Variants in ZFHX2 observed in about 807,000 individuals in gnomAD.
ZFHX2 encodes the protein zinc finger homeobox 2.
A neutral mutation model predicts 164.8 loss-of-function variants in ZFHX2; 75 were observed. That is an observed-to-expected ratio of 0.46 (90% CI 0.38 to 0.55). ZFHX2 has a LOEUF of 0.55. ZFHX2 is among the 20% of genes least tolerant of loss of function. The probability of loss-of-function intolerance (pLI) is 0.00; values close to 1 mark genes in which losing one functional copy is unlikely to be tolerated. For missense variants in ZFHX2, 2,933 were observed against 3,308.0 expected, an observed-to-expected ratio of 0.89 and a Z score of 2.78; for synonymous variants, 1,217 against 1,351.4, an observed-to-expected ratio of 0.90 and a Z score of 2.18.
chr14:23,540,148 G>A (rs1302980830), intron 1 of ZFHX2, among the ~76,000 whole-genome samples: 4 of 152,194 alleles, frequency 2.6e-5, no homozygotes, highest in Admixed American at 6.5e-5. Flanking sequence ...GTGCCACCAC[G>A]CCCAGCTAAT....
At chr14:23,527,550 C>A in intron 7 of ZFHX2, 54 bp downstream of exon 7, 1 of 1,531,008 alleles carries the variant, frequency 6.5e-7, no homozygotes, top group Non-Finnish European at 8.8e-7. Context: ...TCCTCCCCTC[C>A]TGCACAGCCC....
chr14:23,527,975 C>T (rs1475356640), intron 6 of ZFHX2, among the ~76,000 whole-genome samples, 171 bp from the exon 7 acceptor site: 2 of 147,060 alleles, frequency 1.4e-5, no homozygotes, highest in South Asian at 2.1e-4. Flanking sequence ...GACGTGATCT[C>T]GGCTCACTGC....
rs1879892937 is a variant in ZFHX2 at position 23,534,112 on chromosome 14, G to T, written c.1214C>A (p.Pro405Gln). ...TSKEGGTLPA[P>Q]VGSPEDPSDP... ...ACTGGGGTCTTCGGGGGAGCCCACT[G>T]GGGCAGGGAGAGTGCCCCCCTCCTT... Residue 405 changes from proline to glutamine, a missense_variant, in exon 2 of 10, where the codon CCA becomes CAA. Transcript: ENST00000419474. This position sits in a 1 kb window ranked among gnomAD's most constrained non-coding sequence, Gnocchi z 4.5. The T allele has an allele frequency of 3.4e-6, 5 of 1,486,794 alleles. No homozygotes were observed. Among genetic ancestry groups the T allele is most frequent in the Non-Finnish European group, 4.5e-6 (5 of 1,121,506 alleles). 92.1% of individuals were successfully genotyped at this position (1,486,794 alleles called of 1,614,324 possible). A position where few individuals can be genotyped will look rare whatever the true frequency, so the allele number is the denominator to read the frequency against.
rs190106603 is a variant in ZFHX2, at chr14:23,538,684, C to A, written c.-49-3310G>T. 4.9e-4 allele frequency among the ~76,000 whole-genome samples: 74 copies of A among 152,216 alleles called. 1 individual carries two copies. Among genetic ancestry groups the A allele is most frequent in the Non-Finnish European group, 5.3e-4 (36 of 68,014 alleles). ...ATGTGGGTAAAGAGACAAGGCGACC[C>A]CTGAAAGGCCCTGACATTGCTTCCT... On this transcript the variant is annotated intron_variant, in intron 1 of 9. Transcript: ENST00000419474.
In ZFHX2 at chr14:23,526,003, G is replaced by A; in HGVS notation, c.3939C>T (p.Thr1313=). ...AAGGCAATCCAGATATGAAGCCACT[G>A]GTGTCAGGGCCCTTCTTCTCAGTGC... ...EVGTEKKGPD[T]SGFISGLPFL... Residue 1313 remains threonine (T), a synonymous_variant, in exon 9 of 10, where the codon ACC becomes ACT. Transcript: ENST00000419474. 1 of 1,531,820 alleles carries A rather than the reference G, an allele frequency of 6.5e-7. No individual in the cohort carries two copies. The highest frequency in any genetic ancestry group is 1.2e-5 in the South Asian group (1 of 83,324). The allele number at this position is 1,531,820 out of a possible 1,614,324, so 94.9% of individuals were successfully genotyped here. A position where few individuals can be genotyped will look rare whatever the true frequency, so the allele number is the denominator to read the frequency against.
Position 23,525,058 on chromosome 14 carries a change from G to T in ZFHX2, c.4884C>A (p.Leu1628=), listed in dbSNP as rs1328383566. The T allele has an allele frequency of 3.3e-6, 5 of 1,536,024 alleles. No homozygotes were observed. The highest frequency in any genetic ancestry group is 2.0e-5 in the Admixed American group (1 of 50,986). The change falls in exon 9 of 10, where the codon CTC becomes CTA. Residue 1628 remains leucine, a synonymous_variant. Transcript: ENST00000419474. This position sits in a 1 kb window ranked among gnomAD's most constrained non-coding sequence, Gnocchi z 5.9. ...GGCTAGCCAGACCCAACAGACTTGC[G>T]AGTCGCTCCACCTCTCCGTCTTTGG... is the stretch of plus-strand genomic sequence containing the variant. ...AYPKDGEVER[L]ASLLGLASRV...
chr14:23,548,820 T>C (rs74039345), intron 1 of ZFHX2, among the ~76,000 whole-genome samples: 5,322 of 152,324 alleles, frequency 0.035, 311 homozygotes, highest in African/African-American at 0.12. Context: ...TCCTGCTATT[T>C]GTGCTATGCT....
Position 23,533,226 on chromosome 14 carries a change from G to C in ZFHX2, c.2041+59C>G. ...GTGGGGAGTTGGTCCTTGGGAGAAA[G>C]CACGGAATAGAGTTTGGCCCTGGGG... On this transcript the variant is annotated intron_variant, in intron 2 of 9. Transcript: ENST00000419474. The surrounding 1 kb of genome is among the most constrained non-coding windows in gnomAD (Gnocchi z 4.8). 4.2e-6 allele frequency: 6 copies of C among 1,436,046 alleles called. No homozygotes were observed. The highest frequency in any genetic ancestry group is 5.5e-6 in the Non-Finnish European group (6 of 1,099,716). The allele number at this position is 1,436,046 out of a possible 1,614,324, so 89.0% of individuals were successfully genotyped here. A position where few individuals can be genotyped will look rare whatever the true frequency, so the allele number is the denominator to read the frequency against.
At position 23,525,792 on chromosome 14, in the gene ZFHX2, C is replaced by G. The variant is rs1878623673; in HGVS notation, c.4150G>C (p.Ala1384Pro). The part of the protein sequence containing the change: ...VGPKLTLAGP[A>P]PVLSLPAATP... ...GCAGCTGGCAGGGACAGCACAGGTG[C>G]AGGCCCAGCTAGTGTCAGCTTGGGC... Residue 1384 changes from alanine to proline, a missense_variant, in exon 9 of 10, where the codon GCA (alanine) becomes CCA (proline). Coordinates refer to ENST00000419474, the MANE Select transcript of ZFHX2 (RefSeq NM_033400.3). This position sits in a 1 kb window ranked among gnomAD's most constrained non-coding sequence, Gnocchi z 5.9. 1.0e-5 allele frequency: 15 copies of G among 1,489,830 alleles called. No individual in the cohort carries two copies. Among genetic ancestry groups the G allele is most frequent in the Non-Finnish European group, 1.3e-5 (15 of 1,124,052 alleles). 92.3% of individuals were successfully genotyped at this position (1,489,830 alleles called of 1,614,324 possible). A position where few individuals can be genotyped will look rare whatever the true frequency, so the allele number is the denominator to read the frequency against.
chr14:23,552,160 G>A (rs1882016743), upstream of ZFHX2, among the ~76,000 whole-genome samples: 1 of 151,936 alleles, frequency 6.6e-6, no homozygotes. Context: ...CTTCTCTACC[G>A]CAGCAATTAC....
chr14:23,523,667 A>T lies in ZFHX2; in HGVS notation c.6275T>A (p.Met2092Lys). The change falls in exon 9 of 10, where the codon ATG becomes AAG. Residue 2092 changes from methionine (M) to lysine (K), a missense_variant. Transcript: ENST00000419474. This position sits in a 1 kb window ranked among gnomAD's most constrained non-coding sequence, Gnocchi z 4.1. ...CTCTCCCAGCACCTCACACTCCTGC[A>T]TGGTGGGGGTGCGGTAAGCTTCATA... ...ACYEAYRTPT[M>K]QECEVLGEEI... The T allele has an allele frequency of 6.5e-7, 1 of 1,542,360 alleles. No homozygotes were observed. Among genetic ancestry groups the T allele is most frequent in the Non-Finnish European group, 8.7e-7 (1 of 1,149,826 alleles).
Position 23,535,125 on chromosome 14 carries a change from G to A in ZFHX2, c.201C>T (p.Leu67=), listed in dbSNP as rs1403137607. Residue 67 remains leucine, a synonymous_variant, in exon 2 of 10, where the codon CTC becomes CTT. Transcript: ENST00000419474. This position sits in a 1 kb window ranked among gnomAD's most constrained non-coding sequence, Gnocchi z 4.5. ...GCTCCCCAATCTCCTTTGGTGGGACGAGGCCACAGCCCGACTCCAGGAGCT... is the reference window on the plus strand; with the variant it reads ...GCTCCCCAATCTCCTTTGGTGGGACAAGGCCACAGCCCGACTCCAGGAGCT... ...GGQLLESGCG[L]VPPKEIGEPQ... is the part of the protein sequence containing the mutation. The A allele has an allele frequency of 1.3e-6, 2 of 1,536,028 alleles. No homozygotes were observed. Among genetic ancestry groups the A allele is most frequent in the Non-Finnish European group, 8.7e-7 (1 of 1,146,892 alleles).
chr14:23,530,287 A>G (rs1182567587), intron 4 of ZFHX2, 93 bp from the exon 5 acceptor site: 1 of 993,988 alleles, frequency 1.0e-6, no homozygotes, highest in Non-Finnish European at 1.5e-6. Flanking sequence ...CAGCCAGTCA[A>G]TGAAGGAGAA....
rs779003066 is a variant in ZFHX2, at chr14:23,522,456, C to T, written c.7225G>A (p.Glu2409Lys). The change falls in exon 10 of 10, where the codon GAG (glutamate) becomes AAG (lysine). Residue 2409 changes from glutamate (E) to lysine (K), a missense_variant. Physicochemically the swap from Glu to Lys is moderately conservative, Grantham distance 56 (BLOSUM62 1). Transcript: ENST00000419474. Reference sequence around the variant, plus strand: ...TTTGGAGGTGCTGTGGCTGTGGGCTCAGGGGGCTGGGGTGGCGGCTGGAGG... The same window carrying T: ...TTTGGAGGTGCTGTGGCTGTGGGCTTAGGGGGCTGGGGTGGCGGCTGGAGG... Reference protein sequence around the residue: ...ALLQPPPQPPEPTATAPPKPP... With the variant: ...ALLQPPPQPPKPTATAPPKPP... The T allele has an allele frequency of 1.3e-6, 2 of 1,536,098 alleles. No individual in the cohort carries two copies. The highest frequency in any genetic ancestry group is 8.7e-7 in the Non-Finnish European group (1 of 1,146,798).
intron 4 of ZFHX2, chr14:23,531,001 C>G (rs776128086): frequency 6.2e-6 from 1 of 160,362 alleles, no homozygotes; most frequent in Non-Finnish European, 1.4e-5. Flanking sequence ...CTAAGCCCAG[C>G]CTTAGGGCTG....
rs1231594774 is a variant in ZFHX2, at chr14:23,532,804, T to C, written c.2322A>G (p.Gln774=). 12 of 1,536,182 alleles carry C rather than the reference T, an allele frequency of 7.8e-6. No individual in the cohort carries two copies. In the East Asian group the frequency reaches 9.8e-5, roughly 13 times the overall value. ...CYGTQLKANF[Q]LHLKTDKHAQ... Reference sequence around the variant, plus strand: ...CATGTTTGTCAGTCTTGAGGTGGAGTTGGAAGTTGGCCTTGAGCTGGGTGC... The same window carrying C: ...CATGTTTGTCAGTCTTGAGGTGGAGCTGGAAGTTGGCCTTGAGCTGGGTGC... Residue 774 remains glutamine, a synonymous_variant, in exon 3 of 10, where the codon CAA becomes CAG. Coordinates refer to ENST00000419474, the MANE Select transcript of ZFHX2 (RefSeq NM_033400.3).
chr14:23,539,730 G>C (rs151000316), intron 1 of ZFHX2, among the ~76,000 whole-genome samples: 1,840 of 152,168 alleles, frequency 0.012, 17 homozygotes, highest in Middle Eastern at 0.058. Flanking sequence ...GCTCCCTTTG[G>C]TACAGCCCCC....
At position 23,523,873 on chromosome 14, in the gene ZFHX2, G is replaced by A; in HGVS notation, c.6069C>T (p.Cys2023=). 2 of 1,536,188 alleles carry A rather than the reference G, an allele frequency of 1.3e-6. No homozygotes were observed. Among genetic ancestry groups the A allele is most frequent in the South Asian group, 2.4e-5 (2 of 84,060 alleles). ...CACTCAGATCTCCTGCAGAGAGACTGCAAGCCTCACTCTCTGGAGAAGCTT... is the reference window on the plus strand; with the variant it reads ...CACTCAGATCTCCTGCAGAGAGACTACAAGCCTCACTCTCTGGAGAAGCTT... The part of the protein sequence containing the change: ...PPKASPESEA[C]SLSAGDLSDS... Residue 2023 remains cysteine, a synonymous_variant, in exon 9 of 10, where the codon TGC becomes TGT. Transcript: ENST00000419474. The surrounding 1 kb of genome is among the most constrained non-coding windows in gnomAD (Gnocchi z 4.1).
At position 23,527,649 on chromosome 14, in the gene ZFHX2, G is replaced by A; in HGVS notation, c.3090C>T (p.His1030=). 1 of 1,536,448 alleles carries A rather than the reference G, an allele frequency of 6.5e-7. No homozygotes were observed. Among genetic ancestry groups the A allele is most frequent in the Non-Finnish European group, 8.7e-7 (1 of 1,146,966 alleles). ...CGCACTCGGGCACCACGTTGTGAAG[G>A]TGGCTAAGGTGGAAGTGCAGGGCAG... ...GRPALHFHLS[H]LHNVVPECVE... is the part of the protein sequence containing the mutation. The change falls in exon 7 of 10, where the codon CAC becomes CAT. Residue 1030 remains histidine (H), a synonymous_variant. Coordinates refer to ENST00000419474, the MANE Select transcript of ZFHX2 (RefSeq NM_033400.3).
Sources: gnomAD v4.1 joint callset for allele counts (sites outside exome capture counted in the v4.1 genomes callset) on GRCh38, gnomAD v4.1.1 for gene constraint, Gnocchi (gnomAD v3.1) non-coding constraint, MANE v1.5 for transcripts, NCBI Gene and HGNC (gene_info 2026-07-23, HGNC 2026-07-21) for gene names.